FMNL2: variants seen among roughly 807,000 people sequenced by gnomAD.
FMNL2 encodes the protein formin-like protein 2.
FMNL2 carries 51 observed loss-of-function variants against 130.2 expected under a neutral mutation model. The ratio of observed to expected loss-of-function variants is 0.39; its 90% CI spans 0.31 to 0.49. FMNL2 has a LOEUF of 0.49. Ranked by LOEUF, FMNL2 falls within the 20% of genes least tolerant of loss-of-function variation. The pLI is 0.85. For synonymous variants in FMNL2, 465 were observed against 467.1 expected (o/e 1.00, Z 0.06); for missense variants, 977 against 1,316.2 (o/e 0.74, Z 3.99).
intron 1 of FMNL2, among the ~76,000 whole-genome samples, chr2:152,394,310 A>G (rs1289295381): frequency 1.3e-5 from 2 of 152,102 alleles, no homozygotes; most frequent in Non-Finnish European, 2.9e-5. Context: ...GTATAGTGTG[A>G]TTTGGAGGTC....
chr2:152,631,903 A>AC, intron 20 of FMNL2, 105 bp from the exon 21 acceptor site: 1 of 1,276,266 alleles, frequency 7.8e-7, no homozygotes, highest in East Asian at 2.5e-5. Context: ...CTGTTGGGCG[A>AC]CTGTTACTCA....
chr2:152,491,076 C>G (rs1691161346), intron 1 of FMNL2, among the ~76,000 whole-genome samples: 1 of 152,150 alleles, frequency 6.6e-6, no homozygotes, highest in Non-Finnish European at 1.5e-5. Flanking sequence ...GATGCCTGTG[C>G]TTTCCTCCTG....
At chr2:152,640,671 T>A (rs752061020) in intron 24 of FMNL2, 120 bp from the exon 25 acceptor site, 62 of 1,182,206 alleles carry the variant, frequency 5.2e-5, no homozygotes, top group Non-Finnish European at 7.0e-5. Flanking sequence ...GAATGTGGGA[T>A]GTGTGTGTGT....
At chr2:152,420,781 T>C (rs1055869880) in intron 1 of FMNL2, among the ~76,000 whole-genome samples, 4 of 152,122 alleles carry the variant, frequency 2.6e-5, no homozygotes, top group African/African-American at 9.7e-5. Flanking sequence ...TTGCAGGGGG[T>C]GCCTTCTGTG....
intron 1 of FMNL2, among the ~76,000 whole-genome samples, chr2:152,439,199 A>G (rs1687930412): frequency 6.6e-6 from 1 of 152,042 alleles, no homozygotes; most frequent in African/African-American, 2.4e-5. Context: ...CTTGGTGTAG[A>G]AAATAATTAT....
intron 1 of FMNL2, among the ~76,000 whole-genome samples, chr2:152,373,641 C>G (rs1030448540): frequency 1.3e-5 from 2 of 152,152 alleles, no homozygotes; most frequent in African/African-American, 4.8e-5. Context: ...CTACACATCA[C>G]TTCATTCTTG....
intron 10 of FMNL2, 141 bp from the exon 11 acceptor site, chr2:152,611,354 A>G (rs1026400531): frequency 1.8e-6 from 1 of 542,150 alleles, no homozygotes; most frequent in Non-Finnish European, 3.3e-6. Flanking sequence ...AAAACCATAT[A>G]TATATTTTTA....
intron 25 of FMNL2, chr2:152,645,495 T>TA: frequency 7.8e-7 from 1 of 1,290,228 alleles, no homozygotes; most frequent in Non-Finnish European, 1.0e-6. Context: ...GGATTTCTTC[T>TA]AGCACACCGG....
intron 1 of FMNL2, among the ~76,000 whole-genome samples, chr2:152,363,896 A>G (rs1200182086): frequency 1.3e-5 from 2 of 152,102 alleles, no homozygotes; most frequent in Non-Finnish European, 2.9e-5. Flanking sequence ...GGTGTCTGGC[A>G]CCTGCTAGAC....
rs1374816148 is a variant in FMNL2, at chr2:152,598,605, C to G, written c.877-8734C>G. The stretch of plus-strand genomic sequence containing the variant: ...TCAGGAGGCTGAGGCAGGAGAATTG[C>G]TTGAAACCCGGGAGGTAGAGATTGC... On this transcript the variant is annotated intron_variant, in intron 9 of 25. Coordinates refer to ENST00000288670, the MANE Select transcript of FMNL2 (RefSeq NM_052905.4). Among the ~76,000 whole-genome samples the G allele has an allele frequency of 5.1e-5, 7 of 137,884 alleles. No individual in the cohort carries two copies. In the East Asian group the frequency reaches 1.4e-3, roughly 27 times the overall value. The allele number at this position is 137,884 out of a possible 152,430, so 90.5% of individuals were successfully genotyped here. A position where few individuals can be genotyped will look rare whatever the true frequency, so the allele number is the denominator to read the frequency against.
chr2:152,642,434 T>C (rs534880706), intron 25 of FMNL2, among the ~76,000 whole-genome samples: 4 of 151,460 alleles, frequency 2.6e-5, no homozygotes, highest in African/African-American at 7.3e-5. Context: ...AGGTCTTAGA[T>C]AGTAAGTGGC....
intron 1 of FMNL2, among the ~76,000 whole-genome samples, chr2:152,366,344 C>A (rs1182335491): frequency 6.6e-6 from 1 of 151,056 alleles, no homozygotes; most frequent in Non-Finnish European, 1.5e-5. Context: ...TGCTAAATGA[C>A]GAGTTAATGG....
intron 7 of FMNL2, among the ~76,000 whole-genome samples, chr2:152,575,518 G>A (rs558408286): frequency 1.3e-5 from 2 of 152,000 alleles, no homozygotes; most frequent in African/African-American, 4.8e-5. Flanking sequence ...TGAAGTAAAT[G>A]CCAGGATTTA....
intron 1 of FMNL2, among the ~76,000 whole-genome samples, chr2:152,514,394 T>G (rs1692649059): frequency 6.6e-6 from 1 of 152,188 alleles, no homozygotes; most frequent in South Asian, 2.1e-4. Flanking sequence ...TTATTCTGTG[T>G]GATGCACAGC....
intron 1 of FMNL2, among the ~76,000 whole-genome samples, chr2:152,489,290 A>G (rs1046552892): frequency 6.6e-6 from 1 of 152,248 alleles, no homozygotes; most frequent in African/African-American, 2.4e-5. Flanking sequence ...ACAGGAAGGA[A>G]ATACTCCATC....
chr2:152,515,126 T>C (rs975776366), intron 1 of FMNL2, among the ~76,000 whole-genome samples: 1 of 152,186 alleles, frequency 6.6e-6, no homozygotes, highest in Non-Finnish European at 1.5e-5. Context: ...TATTGTGTCA[T>C]TTAATGCCAT....
chr2:152,646,405 G>A (rs1454049479), intron 25 of FMNL2, among the ~76,000 whole-genome samples: 1 of 152,112 alleles, frequency 6.6e-6, no homozygotes, highest in Non-Finnish European at 1.5e-5. Context: ...AGCCAGGAAG[G>A]TAACAGGCCT....
At chr2:152,494,421 A>C (rs772252659) in intron 1 of FMNL2, among the ~76,000 whole-genome samples, 1 of 152,168 alleles carries the variant, frequency 6.6e-6, no homozygotes, top group Non-Finnish European at 1.5e-5. Context: ...CAAAGAGCAA[A>C]ATTAGTAGGG....
At chr2:152,553,826 G>C (rs1695066634) in intron 4 of FMNL2, among the ~76,000 whole-genome samples, 1 of 151,834 alleles carries the variant, frequency 6.6e-6, no homozygotes, top group Non-Finnish European at 1.5e-5. Context: ...GGTGACAAAG[G>C]CTGCATTGGT....
Sources: gnomAD v4.1 joint callset for allele counts (sites outside exome capture counted in the v4.1 genomes callset) on GRCh38, gnomAD v4.1.1 for gene constraint, MANE v1.5 for transcripts, NCBI Gene and HGNC (gene_info 2026-07-23, HGNC 2026-07-21) for gene names.